PLEKHG1: variants seen among roughly 807,000 people sequenced by gnomAD.
The protein encoded by PLEKHG1 is pleckstrin homology domain-containing family G member 1.
A neutral mutation model predicts 100.8 loss-of-function variants in PLEKHG1; 44 were observed. The observed-to-expected ratio is 0.44, with a 90% confidence interval of 0.34 to 0.56. The LOEUF (loss-of-function observed/expected upper bound fraction) is 0.56. PLEKHG1 is among the 20% of genes least tolerant of loss of function. The probability of loss-of-function intolerance (pLI) is 0.01; values close to 1 mark genes in which losing one functional copy is unlikely to be tolerated. For missense variants in PLEKHG1, 1,545 were observed against 1,720.9 expected, an observed-to-expected ratio of 0.90 and a Z score of 1.81; for synonymous variants, 640 against 662.5, an observed-to-expected ratio of 0.97 and a Z score of 0.52.
At chr6:150,657,838 A>C (rs1263267362) in intron 3 of PLEKHG1, among the ~76,000 whole-genome samples, 1 of 152,208 alleles carries the variant, frequency 6.6e-6, no homozygotes, top group Admixed American at 6.5e-5. Context: ...TAGGCACGGA[A>C]AGACTGTCAC....
intron 2 of PLEKHG1, among the ~76,000 whole-genome samples, chr6:150,755,325 ACT>A (rs1490037128): frequency 6.6e-6 from 1 of 152,070 alleles, no homozygotes; most frequent in Admixed American, 6.6e-5. Flanking sequence ...TAATCTTCAG[ACT>A]CTCTGCCAAC....
intron 3 of PLEKHG1, chr6:150,662,496 A>C (rs947496179): frequency 2.0e-5 from 3 of 152,064 alleles, no homozygotes; most frequent in African/African-American, 7.3e-5. Context: ...GCTCACTGCA[A>C]CCTCCGCCTC....
At chr6:150,827,986 A>G (rs1776710021) in intron 14 of PLEKHG1, 3 of 1,612,636 alleles carry the variant, frequency 1.9e-6, no homozygotes, top group Non-Finnish European at 2.5e-6. Context: ...GAAGTTACCA[A>G]AGCTGGCGAG....
At chr6:150,821,832 AT>A (rs72117887) in intron 13 of PLEKHG1, among the ~76,000 whole-genome samples, 116,202 of 148,906 alleles carry the variant, frequency 0.78, 45,627 homozygotes, top group South Asian at 0.85. Context: ...GGACTCTTTT[AT>A]TTTTTTTTTT....
chr6:150,789,189 T>G (rs1028885303), intron 4 of PLEKHG1, among the ~76,000 whole-genome samples: 5 of 152,212 alleles, frequency 3.3e-5, no homozygotes, highest in African/African-American at 9.6e-5. Flanking sequence ...TATATCATAT[T>G]TTGGCTCTTT....
chr6:150,777,415 T>C (rs1385209381), intron 3 of PLEKHG1, among the ~76,000 whole-genome samples: 8 of 143,914 alleles, frequency 5.6e-5, no homozygotes, highest in Admixed American at 1.4e-4. Flanking sequence ...TGCACATTAC[T>C]CACACTGATG....
intron 1 of PLEKHG1, among the ~76,000 whole-genome samples, chr6:150,615,846 G>GT (rs1777054523): frequency 6.6e-6 from 1 of 152,186 alleles, no homozygotes; most frequent in Non-Finnish European, 1.5e-5. Flanking sequence ...GGATTGATTG[G>GT]TACAGTGGTG....
intron 3 of PLEKHG1, among the ~76,000 whole-genome samples, chr6:150,778,211 T>A (rs1223523552): frequency 6.6e-6 from 1 of 152,160 alleles, no homozygotes; most frequent in Non-Finnish European, 1.5e-5. Flanking sequence ...CAGTGTATCC[T>A]CCGCCTCCCA....
chr6:150,719,013 C>T (rs1019923329), upstream of PLEKHG1, among the ~76,000 whole-genome samples: 3 of 152,088 alleles, frequency 2.0e-5, no homozygotes, highest in African/African-American at 7.2e-5. Context: ...TAGGTGCTTT[C>T]ACTTATTTGC....
chr6:150,818,321 A>ATC (rs962804788), intron 11 of PLEKHG1, 105 bp downstream of exon 12: 8 of 882,162 alleles, frequency 9.1e-6, no homozygotes. Context: ...AGAAAATAGT[A>ATC]TCTCTCTATT....
intron 3 of PLEKHG1, among the ~76,000 whole-genome samples, chr6:150,688,048 A>T (rs1003782719): frequency 1.3e-5 from 2 of 152,222 alleles, no homozygotes; most frequent in African/African-American, 4.8e-5. Flanking sequence ...TTTGTCATTT[A>T]ACCAGGTATC....
intron 7 of PLEKHG1, among the ~76,000 whole-genome samples, chr6:150,805,049 C>T (rs1225556970): frequency 1.3e-5 from 2 of 152,060 alleles, no homozygotes; most frequent in East Asian, 3.9e-4. Flanking sequence ...AGTTATTCCC[C>T]CTCAGCCTCC....
At chr6:150,641,629 G>A (rs1778262487) in intron 2 of PLEKHG1, among the ~76,000 whole-genome samples, 1 of 152,078 alleles carries the variant, frequency 6.6e-6, no homozygotes, top group Non-Finnish European at 1.5e-5. Flanking sequence ...TTTCCAGGAA[G>A]TGCTGGTGGC....
intron 2 of PLEKHG1, among the ~76,000 whole-genome samples, chr6:150,756,091 C>T (rs11965555): frequency 0.12 from 19,001 of 152,106 alleles, 1,303 homozygotes; most frequent in East Asian, 0.16. Context: ...ATTTTCCCCA[C>T]ATCACCTTTT....
chr6:150,654,638 G>A (rs149856104), intron 3 of PLEKHG1, among the ~76,000 whole-genome samples: 225 of 152,326 alleles, frequency 1.5e-3, no homozygotes, highest in African/African-American at 5.3e-3. Flanking sequence ...ATAATATGGC[G>A]AAGGCATGCT....
chr6:150,737,361 G>A (rs1022441235), intron 2 of PLEKHG1, among the ~76,000 whole-genome samples: 2 of 147,906 alleles, frequency 1.4e-5, no homozygotes, highest in South Asian at 2.1e-4. Flanking sequence ...GCGCAATCTC[G>A]GCTCACTGCA....
chr6:150,643,575 T>C (rs1299680229), intron 2 of PLEKHG1, among the ~76,000 whole-genome samples: 2 of 152,234 alleles, frequency 1.3e-5, no homozygotes, highest in Non-Finnish European at 2.9e-5. Context: ...AACCTTTCTT[T>C]TGACAAATCT....
chr6:150,777,704 A>G (rs1418667315), intron 3 of PLEKHG1, among the ~76,000 whole-genome samples: 3 of 146,096 alleles, frequency 2.1e-5, no homozygotes, highest in Non-Finnish European at 4.5e-5. Context: ...CCTGGTGCAC[A>G]TGTGCGGTTG....
intron 3 of PLEKHG1, chr6:150,687,073 C>T (rs1780166121): frequency 6.6e-6 from 1 of 152,618 alleles, no homozygotes; most frequent in Admixed American, 6.5e-5. Flanking sequence ...CTTTTCTCCA[C>T]CTTCAAATGG....
Sources: gnomAD v4.1 joint callset for allele counts (sites outside exome capture counted in the v4.1 genomes callset) on GRCh38, gnomAD v4.1.1 for gene constraint, MANE v1.5 for transcripts, NCBI Gene and HGNC (gene_info 2026-07-23, HGNC 2026-07-21) for gene names.